Variants in MOB4 observed in about 807,000 individuals in gnomAD.
The protein encoded by MOB4 is MOB family member 4, phocein, also known as MOB-like protein phocein.
A neutral mutation model predicts 32.2 loss-of-function variants in MOB4; 4 were observed. The observed-to-expected ratio is 0.12, with a 90% CI of 0.06 to 0.28. MOB4 has a LOEUF of 0.28. MOB4 is among the 10% of genes least tolerant of loss of function. The pLI is 1.00. For synonymous variants in MOB4, 88 were observed against 88.1 expected (o/e 1.00, Z 0.01); for missense variants, 158 against 271.2 (o/e 0.58, Z 2.93).
intron 6 of MOB4, among the ~76,000 whole-genome samples, chr2:197,549,406 A>G (rs1267702460): frequency 6.6e-6 from 1 of 152,170 alleles, no homozygotes; most frequent in Non-Finnish European, 1.5e-5. Flanking sequence ...CCCCCACCAA[A>G]TATGATTAGC....
At chr2:197,521,649 C>T (rs2086521421) in intron 1 of MOB4, among the ~76,000 whole-genome samples, 1 of 152,174 alleles carries the variant, frequency 6.6e-6, no homozygotes, top group African/African-American at 2.4e-5. Flanking sequence ...AGACCCACCC[C>T]CAGGCGTGTA....
chr2:197,538,935 C>T (rs1177861540), intron 3 of MOB4, among the ~76,000 whole-genome samples: 2 of 152,186 alleles, frequency 1.3e-5, no homozygotes, highest in East Asian at 3.8e-4. Context: ...AATGCAGTTA[C>T]AAACAACTGA....
rs147235593 is a variant in MOB4 at position 197,550,299 on chromosome 2, A to G, written c.459A>G (p.Val153=). 391 of 1,613,324 alleles carry G rather than the reference A, an allele frequency of 2.4e-4. 4 individuals are homozygous for G. The African/African-American group carries it at 4.3e-3, about 18-fold the overall frequency. Residue 153 remains valine (V), a synonymous_variant, in exon 7 of 8, where the codon GTA becomes GTG. Transcript: ENST00000323303. The part of the protein sequence containing the change: ...PSRVSIKESS[V]AKLGSVCRRI... ...GGGTTAGCATAAAGGAATCATCTGT[A>G]GCGAAACTAGGATCAGTATGCCGTA...
intron 2 of MOB4, among the ~76,000 whole-genome samples, chr2:197,528,116 T>C (rs984760357): frequency 6.6e-6 from 1 of 152,222 alleles, no homozygotes; most frequent in Non-Finnish European, 1.5e-5. Flanking sequence ...ACTTTCTCTT[T>C]TAATTGGTAT....
At chr2:197,521,227 C>T (rs1008806943) in intron 1 of MOB4, among the ~76,000 whole-genome samples, 7 of 152,146 alleles carry the variant, frequency 4.6e-5, no homozygotes, top group African/African-American at 1.2e-4. Flanking sequence ...GTTGGGCGTC[C>T]GGGGGAGACA....
intron 6 of MOB4, among the ~76,000 whole-genome samples, chr2:197,548,718 C>T (rs1161269646): frequency 6.6e-6 from 1 of 151,560 alleles, no homozygotes; most frequent in Non-Finnish European, 1.5e-5. Context: ...TGTATTTTGG[C>T]TTGTTTATTC....
Position 197,516,105 on chromosome 2 carries a change from A to C in MOB4, c.19A>C (p.Thr7Pro). The change falls in exon 1 of 8, where the codon ACG becomes CCG. Residue 7 changes from threonine (T) to proline (P), a missense_variant. Coordinates refer to ENST00000323303, the MANE Select transcript of MOB4 (RefSeq NM_015387.5). MVMAEG[T>P]AVLRRNRPGT... The stretch of plus-strand genomic sequence containing the variant: ...TGGCACTATGGTCATGGCGGAGGGG[A>C]CGGCAGTGCTGAGGCGGAACAGGCC... The C allele has an allele frequency of 6.2e-7, 1 of 1,602,190 alleles. No individual in the cohort carries two copies. Among genetic ancestry groups the C allele is most frequent in the African/African-American group, 1.3e-5 (1 of 74,444 alleles).
chr2:197,523,505 T>TAATTA, intron 1 of MOB4, 119 bp from the exon 2 acceptor site: 1 of 942,738 alleles, frequency 1.1e-6, no homozygotes, highest in Non-Finnish European at 1.6e-6. Flanking sequence ...ATTTCACTGA[T>TAATTA]AATTACATTG....
chr2:197,544,856 A>G (rs2086966840), intron 5 of MOB4, among the ~76,000 whole-genome samples: 1 of 152,200 alleles, frequency 6.6e-6, no homozygotes, highest in Admixed American at 6.5e-5. Context: ...AATGGCATAT[A>G]CTTTCATACC....
intron 2 of MOB4, among the ~76,000 whole-genome samples, chr2:197,525,913 T>G (rs1038980856): frequency 2.0e-5 from 3 of 152,184 alleles, no homozygotes; most frequent in Non-Finnish European, 4.4e-5. Context: ...GTGTCCTGTT[T>G]GTTGAATTTG....
intron 4 of MOB4, 77 bp downstream of exon 4, chr2:197,540,230 T>TA (rs2086874089): frequency 6.5e-7 from 1 of 1,533,872 alleles, no homozygotes; most frequent in Admixed American, 2.0e-5. Context: ...TTAATGTGCT[T>TA]ACAAAAACGT....
intron 2 of MOB4, among the ~76,000 whole-genome samples, chr2:197,528,906 C>T (rs552585213): frequency 3.9e-5 from 6 of 151,966 alleles, no homozygotes; most frequent in East Asian, 1.9e-4. Context: ...CGTGAGCCAC[C>T]GCGCCTGGCC....
chr2:197,531,245 C>T (rs2086698731), intron 2 of MOB4, among the ~76,000 whole-genome samples: 2 of 151,792 alleles, frequency 1.3e-5, no homozygotes, highest in South Asian at 2.1e-4. Context: ...GGGGTTTCAC[C>T]GTGTTAGCCA....
chr2:197,531,078 C>T (rs186616750), intron 2 of MOB4, among the ~76,000 whole-genome samples: 19 of 148,588 alleles, frequency 1.3e-4, no homozygotes, highest in Admixed American at 9.4e-4. Context: ...GGCAGAGTCT[C>T]GCTCTTTCTC....
chr2:197,551,538 T>G lies in MOB4; in HGVS notation c.*892T>G, dbSNP rs2087097941. 1 of 152,802 alleles carries G rather than the reference T, an allele frequency of 6.5e-6. No individual in the cohort carries two copies. Among genetic ancestry groups the G allele is most frequent in the Admixed American group, 6.5e-5 (1 of 15,284 alleles). 9.5% of individuals were successfully genotyped at this position (152,802 alleles called of 1,614,324 possible). On this transcript the variant is annotated 3_prime_UTR_variant, in exon 8 of 8. Coordinates refer to ENST00000323303, the MANE Select transcript of MOB4 (RefSeq NM_015387.5). ...CATAGGCTCTTGCTTATCTTTGTTT[T>G]GCAAAATTGTTCTACTTAGAAAACA...
At chr2:197,534,014 C>T in intron 2 of MOB4, 1 of 482,158 alleles carries the variant, frequency 2.1e-6, no homozygotes, top group Non-Finnish European at 4.0e-6. Flanking sequence ...GCATCAAGGT[C>T]ACTATCATGT....
chr2:197,533,722 CAAAAA>C (rs796816631), intron 2 of MOB4: 109 of 142,316 alleles, frequency 7.7e-4, no homozygotes, highest in African/African-American at 2.3e-3. Flanking sequence ...CAAAACTCCT[CAAAAA>C]AAAAAAAAAA....
intron 5 of MOB4, among the ~76,000 whole-genome samples, chr2:197,543,029 C>T (rs183512419): frequency 7.9e-5 from 12 of 152,218 alleles, no homozygotes; most frequent in African/African-American, 1.7e-4. Flanking sequence ...AAGACAGTAA[C>T]GCCTGTAATC....
At chr2:197,540,319 T>G (rs953869894) in intron 4 of MOB4, 32 bp from the exon 5 acceptor site, 2 of 1,497,760 alleles carry the variant, frequency 1.3e-6, no homozygotes, top group Admixed American at 4.7e-5. Flanking sequence ...ATTATTATTT[T>G]ACATATTAAG....
Sources: gnomAD v4.1 joint callset for allele counts (sites outside exome capture counted in the v4.1 genomes callset) on GRCh38, gnomAD v4.1.1 for gene constraint, MANE v1.5 for transcripts, NCBI Gene and HGNC (gene_info 2026-07-23, HGNC 2026-07-21) for gene names.